Variants in CRLF1 observed in about 807,000 individuals in gnomAD.
CRLF1 encodes cytokine receptor like factor 1.
In CRLF1, 36 loss-of-function variants were observed where a neutral mutation model predicts 48.9. The observed-to-expected ratio is 0.74, with a 90% CI of 0.56 to 0.97. The LOEUF (loss-of-function observed/expected upper bound fraction) is 0.97. Among genes scored for constraint, CRLF1 ranks in the 50% least tolerant of loss-of-function variants. The pLI, the probability that CRLF1 is intolerant of heterozygous loss-of-function variation, is 0.00. For synonymous variants in CRLF1, 256 were observed against 253.4 expected, an observed-to-expected ratio of 1.01 and a Z score of -0.10; for missense variants, 534 against 575.1, an observed-to-expected ratio of 0.93 and a Z score of 0.73.
chr19:18,597,621 G>A (rs772813055), intron 4 of CRLF1, among the ~76,000 whole-genome samples: 1 of 151,738 alleles, frequency 6.6e-6, no homozygotes, highest in Non-Finnish European at 1.5e-5. Flanking sequence ...TAGTAGAGAC[G>A]GGGTTTCACC....
intron 8 of CRLF1, 33 bp downstream of exon 8, chr19:18,594,032 T>TTTC: frequency 1.4e-6 from 1 of 695,814 alleles, no homozygotes. Flanking sequence ...CTCCCCTTGC[T>TTTC]CCCTCCCGCC....
In CRLF1 at chr19:18,596,628, G is replaced by C. The variant is rs771459625; in HGVS notation, c.1018C>G (p.Arg340Gly). 2 of 1,613,822 alleles carry C rather than the reference G, an allele frequency of 1.2e-6. No homozygotes were observed. The change falls in exon 6 of 9, where the codon CGC (arginine) becomes GGC (glycine). Residue 340 changes from arginine (R) to glycine (G), a missense_variant. Transcript: ENST00000392386. ...WSHPTAASTP[R>G]SERPGPGGGA... ...GCCCTAGGAGGGTGCTCACCACTGC[G>C]GGGAGTGGAGGCGGCTGTGGGGTGG...
At chr19:18,601,947 A>C (rs1320711374) in intron 1 of CRLF1, among the ~76,000 whole-genome samples, 1 of 152,188 alleles carries the variant, frequency 6.6e-6, no homozygotes, top group Non-Finnish European at 1.5e-5. Flanking sequence ...GCACGTCCCC[A>C]ACTCCCATCC....
intron 1 of CRLF1, among the ~76,000 whole-genome samples, chr19:18,604,056 C>A (rs1340255100): frequency 6.6e-6 from 1 of 152,214 alleles, no homozygotes; most frequent in African/African-American, 2.4e-5. Context: ...GGAGGCACGG[C>A]CAGGCCTGCC....
chr19:18,605,334 G>A (rs958403962), intron 1 of CRLF1, among the ~76,000 whole-genome samples: 5 of 152,182 alleles, frequency 3.3e-5, no homozygotes, highest in Non-Finnish European at 5.9e-5. Flanking sequence ...GAAGATGCCC[G>A]GACCCTGCCC....
At chr19:18,601,545 G>C (rs1472156103) in intron 1 of CRLF1, among the ~76,000 whole-genome samples, 1 of 152,140 alleles carries the variant, frequency 6.6e-6, no homozygotes, top group Non-Finnish European at 1.5e-5. Context: ...AAAGTGCTGG[G>C]ATTACAGGGG....
chr19:18,593,411 G>T lies in CRLF1; in HGVS notation c.*155C>A. The T allele has an allele frequency of 9.5e-7, 1 of 1,053,310 alleles. No individual in the cohort carries two copies. The highest frequency in any genetic ancestry group is 1.4e-6 in the Non-Finnish European group (1 of 721,814). 65.2% of individuals were successfully genotyped at this position (1,053,310 alleles called of 1,614,324 possible). On this transcript the variant is annotated 3_prime_UTR_variant, in exon 9 of 9. Coordinates refer to ENST00000392386, the MANE Select transcript of CRLF1 (RefSeq NM_004750.5). Reference sequence around the variant, plus strand: ...CACCCAAAGGTGGCCTCACGTGGGAGTCAGAGCTGTTATGGCCGTTGGAGC... The same window carrying T: ...CACCCAAAGGTGGCCTCACGTGGGATTCAGAGCTGTTATGGCCGTTGGAGC...
rs924466901 is a variant in CRLF1 at position 18,593,440 on chromosome 19, G to A, written c.*126C>T. 1.4e-6 allele frequency: 2 copies of A among 1,397,476 alleles called. No individual in the cohort carries two copies. The highest frequency in any genetic ancestry group is 2.0e-6 in the Non-Finnish European group (2 of 1,017,192). 86.6% of individuals were successfully genotyped at this position (1,397,476 alleles called of 1,614,324 possible). A position where few individuals can be genotyped will look rare whatever the true frequency, so the allele number is the denominator to read the frequency against. The stretch of plus-strand genomic sequence containing the variant: ...GAGCTGTTATGGCCGTTGGAGCTCA[G>A]GGGCCACCCCAGCTCCTGCTGAGGG... On this transcript the variant is annotated 3_prime_UTR_variant, in exon 9 of 9. Transcript: ENST00000392386.
In CRLF1 at chr19:18,596,626, G is replaced by A. The variant is rs35459448; in HGVS notation, c.1020C>T (p.Arg340=). The part of the protein sequence containing the change: ...WSHPTAASTP[R]SERPGPGGGA... ...CAGCCCTAGGAGGGTGCTCACCACT[G>A]CGGGGAGTGGAGGCGGCTGTGGGGT... Residue 340 remains arginine, a synonymous_variant, in exon 6 of 9, where the codon CGC becomes CGT. Transcript: ENST00000392386. 6.2e-7 allele frequency: 1 copy of A among 1,613,814 alleles called. No individual in the cohort carries two copies. Among genetic ancestry groups the A allele is most frequent in the Non-Finnish European group, 8.5e-7 (1 of 1,179,940 alleles).
At position 18,593,519 on chromosome 19, in the gene CRLF1, C is replaced by T. The variant is rs1976083812; in HGVS notation, c.*47G>A. ...AGAGGTGGCCCCAGTTTGGGTTCGG[C>T]CTCTGCGTCTCCACGTGGCAGGGAG... is the stretch of plus-strand genomic sequence containing the variant. On this transcript the variant is annotated 3_prime_UTR_variant, in exon 9 of 9. Coordinates refer to ENST00000392386, the MANE Select transcript of CRLF1 (RefSeq NM_004750.5). 1.2e-6 allele frequency: 2 copies of T among 1,607,224 alleles called. No individual in the cohort carries two copies. The highest frequency in any genetic ancestry group is 8.5e-7 in the Non-Finnish European group (1 of 1,177,420).
At chr19:18,604,678 A>C (rs1174493574) in intron 1 of CRLF1, among the ~76,000 whole-genome samples, 1 of 152,072 alleles carries the variant, frequency 6.6e-6, no homozygotes, top group Non-Finnish European at 1.5e-5. Context: ...CAGGCCAGGC[A>C]GGGGAGCAGC....
At position 18,598,768 on chromosome 19, in the gene CRLF1, C is replaced by G; in HGVS notation, c.527+4G>C. 1 of 1,614,138 alleles carries G rather than the reference C, an allele frequency of 6.2e-7. No homozygotes were observed. On this transcript the variant is annotated splice_donor_region_variant and intron_variant, in intron 3 of 8. Transcript: ENST00000392386. ...ACACACATCGCCCTCAGGCCACCAC[C>G]AACCTAAGCTTGTACTTGAGGGAGT...
In CRLF1 at chr19:18,606,666, G is replaced by T; in HGVS notation, c.-10C>A. On this transcript the variant is annotated 5_prime_UTR_variant, in exon 1 of 9. Coordinates refer to ENST00000392386, the MANE Select transcript of CRLF1 (RefSeq NM_004750.5). This position sits in a 1 kb window ranked among gnomAD's most constrained non-coding sequence, Gnocchi z 4.8. ...GGCGGCCGGCGGGCATGGGGCCGGC[G>T]CTGCCGGGGGCGCGCGGCGGGCTGC... 1.7e-6 allele frequency: 1 copy of T among 602,860 alleles called. No homozygotes were observed. The highest frequency in any genetic ancestry group is 2.1e-6 in the Non-Finnish European group (1 of 484,322). 37.3% of individuals were successfully genotyped at this position (602,860 alleles called of 1,614,324 possible).
intron 1 of CRLF1, among the ~76,000 whole-genome samples, chr19:18,600,142 G>A (rs1440200891): frequency 6.6e-6 from 1 of 152,168 alleles, no homozygotes; most frequent in Non-Finnish European, 1.5e-5. Flanking sequence ...CTCGGGCATA[G>A]AGGCTCATTC....
chr19:18,596,747 C>A lies in CRLF1; in HGVS notation c.899G>T (p.Gly300Val). The change falls in exon 6 of 9, where the codon GGC becomes GTC. Residue 300 changes from glycine (G) to valine (V), a missense_variant. This residue lies in a region of CRLF1 where 528 missense variants were observed against 555.7 expected (regional missense o/e 0.95). Transcript: ENST00000392386. ...VSNQTSCRLAGLKPGTVYFVQ... is the reference protein window; with the variant it reads ...VSNQTSCRLAVLKPGTVYFVQ... ...GAAGTACACGGTGCCGGGTTTCAGG[C>A]CGGCCAGGCGGCAGGAGGTCTGGTT... 6.2e-7 allele frequency: 1 copy of A among 1,614,114 alleles called. No homozygotes were observed. Among genetic ancestry groups the A allele is most frequent in the Non-Finnish European group, 8.5e-7 (1 of 1,180,022 alleles).
chr19:18,594,032 T>TTGGGGAC, intron 8 of CRLF1, 33 bp downstream of exon 8: 1 of 695,804 alleles, frequency 1.4e-6, no homozygotes, highest in Non-Finnish European at 2.2e-6. Flanking sequence ...CTCCCCTTGC[T>TTGGGGAC]CCCTCCCGCC....
At chr19:18,598,646 GCCC>G in intron 3 of CRLF1, 45 bp from the exon 4 acceptor site, 7 of 1,613,754 alleles carry the variant, frequency 4.3e-6, no homozygotes, top group Non-Finnish European at 5.9e-6. Context: ...GTTCCTTGTG[GCCC>G]CCAGACCTCA....
At chr19:18,596,454 C>T (rs1161560978) in intron 6 of CRLF1, among the ~76,000 whole-genome samples, 168 bp downstream of exon 6, 2 of 152,054 alleles carry the variant, frequency 1.3e-5, no homozygotes, top group South Asian at 2.1e-4. Context: ...GTAGGAGAAT[C>T]GCTTGAAACC....
chr19:18,597,686 C>T (rs1298902780), intron 4 of CRLF1, among the ~76,000 whole-genome samples: 3 of 152,126 alleles, frequency 2.0e-5, no homozygotes, highest in African/African-American at 7.2e-5. Context: ...CCCGCCTCGG[C>T]CTCCCAAAGT....
Sources: allele counts gnomAD v4.1 joint callset (sites outside exome capture counted in the v4.1 genomes callset), GRCh38; gene constraint gnomAD v4.1.1; regional missense constraint gnomAD v4.1.1; non-coding constraint Gnocchi (gnomAD v3.1); transcripts MANE v1.5; gene names NCBI Gene and HGNC (gene_info 2026-07-23, HGNC 2026-07-21).